The following GPC6 variants were observed in gnomAD, a reference collection of about 807,000 sequenced individuals.
GPC6 encodes the protein glypican-6.
In GPC6, 14 loss-of-function variants were observed where a neutral mutation model predicts 55.2. The observed-to-expected ratio is 0.25, with a 90% CI of 0.17 to 0.40. The LOEUF (loss-of-function observed/expected upper bound fraction) is 0.40. Among genes scored for constraint, GPC6 ranks in the 10% least tolerant of loss-of-function variants. The pLI is 1.00. For synonymous variants in GPC6, 278 were observed against 259.6 expected, an observed-to-expected ratio of 1.07 and a Z score of -0.68; for missense variants, 641 against 708.5, an observed-to-expected ratio of 0.90 and a Z score of 1.08.
At chr13:94,289,596 C>T (rs1874843891) in intron 5 of GPC6, among the ~76,000 whole-genome samples, 1 of 152,208 alleles carries the variant, frequency 6.6e-6, no homozygotes, top group Non-Finnish European at 1.5e-5. Context: ...GAATTTGTGG[C>T]ACAGTGTGGA....
At chr13:93,354,087 T>A (rs924157589) in intron 1 of GPC6, among the ~76,000 whole-genome samples, 1 of 152,156 alleles carries the variant, frequency 6.6e-6, no homozygotes, top group Non-Finnish European at 1.5e-5. Context: ...GAAAATGCAC[T>A]CAAGTCTAAC....
At chr13:93,990,294 C>G (rs1444748059) in intron 3 of GPC6, among the ~76,000 whole-genome samples, 1 of 151,460 alleles carries the variant, frequency 6.6e-6, no homozygotes, top group Admixed American at 6.6e-5. Context: ...GTTCTCTGCC[C>G]TTCATGTGCA....
At chr13:93,262,273 C>T (rs1877177925) in intron 1 of GPC6, among the ~76,000 whole-genome samples, 1 of 151,680 alleles carries the variant, frequency 6.6e-6, no homozygotes, top group African/African-American at 2.4e-5. Context: ...GTCCCCTCAG[C>T]AGAGGAAAGA....
chr13:93,748,704 T>G (rs1884481910), intron 2 of GPC6, among the ~76,000 whole-genome samples: 1 of 152,132 alleles, frequency 6.6e-6, no homozygotes, highest in Non-Finnish European at 1.5e-5. Context: ...AGCATTTACT[T>G]TGGTAATTAA....
At chr13:93,952,863 T>TA (rs1336086217) in intron 3 of GPC6, among the ~76,000 whole-genome samples, 1 of 109,110 alleles carries the variant, frequency 9.2e-6, no homozygotes, top group Non-Finnish European at 2.1e-5. Flanking sequence ...CGTATATATA[T>TA]GTATATATAT....
chr13:93,544,082 G>T (rs543825028), intron 1 of GPC6, among the ~76,000 whole-genome samples: 114 of 146,724 alleles, frequency 7.8e-4, no homozygotes, highest in Middle Eastern at 7.0e-3. Context: ...TTTTTTTTTT[G>T]TTGTAATTGT....
chr13:93,842,110 T>C (rs1313002606), intron 3 of GPC6, among the ~76,000 whole-genome samples: 1 of 152,168 alleles, frequency 6.6e-6, no homozygotes, highest in Non-Finnish European at 1.5e-5. Context: ...AATACTTATT[T>C]CATTGTTTTT....
chr13:94,135,208 C>T (rs765701327), intron 4 of GPC6, among the ~76,000 whole-genome samples: 19 of 149,606 alleles, frequency 1.3e-4, no homozygotes, highest in Admixed American at 2.0e-4. Context: ...CATGGGCTAC[C>T]GGAGCTGTAT....
chr13:93,675,040 C>T (rs1881531114), intron 2 of GPC6, among the ~76,000 whole-genome samples: 1 of 152,166 alleles, frequency 6.6e-6, no homozygotes, highest in Non-Finnish European at 1.5e-5. Flanking sequence ...GTTCATGATT[C>T]ACTTCAAGTG....
chr13:94,022,374 G>A (rs1882729814), intron 3 of GPC6, among the ~76,000 whole-genome samples: 1 of 151,736 alleles, frequency 6.6e-6, no homozygotes, highest in African/African-American at 2.4e-5. Context: ...TTTCACTTAG[G>A]ATAATGTCCT....
chr13:93,598,144 A>AAATAATAAT (rs377484568), intron 2 of GPC6, among the ~76,000 whole-genome samples: 20 of 151,776 alleles, frequency 1.3e-4, no homozygotes, highest in African/African-American at 4.8e-4. Flanking sequence ...CTCCATCTCA[A>AAATAATAAT]AATAATAATA....
At chr13:93,535,737 A>G (rs987593323) in intron 1 of GPC6, among the ~76,000 whole-genome samples, 2 of 151,302 alleles carry the variant, frequency 1.3e-5, no homozygotes, top group African/African-American at 2.4e-5. Flanking sequence ...TTCTCTGATC[A>G]TTCATAATTG....
chr13:94,289,287 C>T (rs1469737853), intron 5 of GPC6, among the ~76,000 whole-genome samples: 1 of 152,106 alleles, frequency 6.6e-6, no homozygotes, highest in Non-Finnish European at 1.5e-5. Flanking sequence ...AATAGTTACA[C>T]TGTTTGTCCT....
chr13:93,982,936 G>C (rs562265337), intron 3 of GPC6, among the ~76,000 whole-genome samples: 44 of 152,266 alleles, frequency 2.9e-4, no homozygotes, highest in African/African-American at 1.0e-3. Context: ...TCCTACTGAA[G>C]TCTAAAGAGA....
intron 3 of GPC6, among the ~76,000 whole-genome samples, chr13:93,841,187 A>C (rs1887941007): frequency 6.6e-6 from 1 of 152,208 alleles, no homozygotes. Context: ...CGCACTATAG[A>C]GGTTTATGAG....
intron 4 of GPC6, among the ~76,000 whole-genome samples, chr13:94,135,972 A>G (rs1434836384): frequency 3.9e-5 from 6 of 152,188 alleles, no homozygotes; most frequent in Non-Finnish European, 8.8e-5. Flanking sequence ...AGCACCTCTC[A>G]GCCTGCAGAT....
chr13:93,644,289 C>T (rs1031628302), intron 2 of GPC6, among the ~76,000 whole-genome samples: 2 of 152,062 alleles, frequency 1.3e-5, no homozygotes, highest in Non-Finnish European at 2.9e-5. Context: ...CGACTTATCA[C>T]AAGGATATCT....
intron 4 of GPC6, among the ~76,000 whole-genome samples, chr13:94,212,062 A>G (rs1471931041): frequency 3.3e-5 from 5 of 152,154 alleles, no homozygotes; most frequent in Admixed American, 3.3e-4. Flanking sequence ...TTTATATCCA[A>G]TTCTGTAACC....
chr13:93,938,995 G>A (rs1391146852), intron 3 of GPC6, among the ~76,000 whole-genome samples: 1 of 152,054 alleles, frequency 6.6e-6, no homozygotes, highest in Non-Finnish European at 1.5e-5. Context: ...CCACCTACTC[G>A]GGAGGCTGAG....
Sources: gnomAD v4.1 joint callset for allele counts (sites outside exome capture counted in the v4.1 genomes callset) on GRCh38, gnomAD v4.1.1 for gene constraint, MANE v1.5 for transcripts, NCBI Gene and HGNC (gene_info 2026-07-23, HGNC 2026-07-21) for gene names.